The following CHODL variants were observed in gnomAD, a reference collection of about 807,000 sequenced individuals.
The protein encoded by CHODL is transmembrane protein MT75.
CHODL carries 29 observed loss-of-function variants against 34.5 expected under a neutral mutation model. The ratio of observed to expected loss-of-function variants is 0.84; its 90% confidence interval spans 0.63 to 1.15. The LOEUF (loss-of-function observed/expected upper bound fraction) is 1.15, where lower values mean the gene tolerates loss of function less well. CHODL is among the 50% of genes most tolerant of loss of function. The pLI, the probability that CHODL is intolerant of heterozygous loss-of-function variation, is 0.00. For missense variants in CHODL, 332 were observed against 332.5 expected, an observed-to-expected ratio of 1.00 and a Z score of 0.01; for synonymous variants, 125 against 116.1, an observed-to-expected ratio of 1.08 and a Z score of -0.49.
chr21:18,041,406 T>G (rs1286253881), intron 2 of CHODL, among the ~76,000 whole-genome samples: 2 of 151,936 alleles, frequency 1.3e-5, no homozygotes, highest in African/African-American at 4.8e-5. Context: ...TAAAAATGAC[T>G]TAAAGCAAAA....
chr21:18,188,984 G>A (rs1568929315), intron 2 of CHODL, among the ~76,000 whole-genome samples: 1 of 152,212 alleles, frequency 6.6e-6, no homozygotes, highest in Non-Finnish European at 1.5e-5. Context: ...TGTCCTTGCA[G>A]TACTATTTTT....
At chr21:18,245,332 G>T (rs1372309149) in intron 1 of CHODL, 30 bp downstream of exon 1, 1 of 1,492,676 alleles carries the variant, frequency 6.7e-7, no homozygotes, top group Non-Finnish European at 8.9e-7. Flanking sequence ...CCCGAAGAAC[G>T]AGCGGGGAGA....
intron 2 of CHODL, among the ~76,000 whole-genome samples, chr21:18,206,883 TTATTATTATTA>T (rs2146716559): frequency 6.6e-6 from 1 of 150,630 alleles, no homozygotes; most frequent in South Asian, 2.1e-4. Flanking sequence ...ATTATTATTA[TTATTATTATTA>T]TTTTATTATA....
chr21:17,931,282 T>C (rs2063271111), intron 1 of CHODL, among the ~76,000 whole-genome samples: 1 of 152,136 alleles, frequency 6.6e-6, no homozygotes, highest in South Asian at 2.1e-4. Context: ...CCTACTGGTC[T>C]GGAGGTTGAA....
intron 2 of CHODL, among the ~76,000 whole-genome samples, chr21:18,236,956 G>T (rs2074033907): frequency 2.0e-5 from 3 of 152,078 alleles, no homozygotes; most frequent in African/African-American, 7.2e-5. Flanking sequence ...TTATAGTATA[G>T]TATTTTTCCT....
intron 2 of CHODL, among the ~76,000 whole-genome samples, chr21:18,192,095 A>G (rs976640869): frequency 6.6e-6 from 1 of 152,144 alleles, no homozygotes; most frequent in African/African-American, 2.4e-5. Context: ...AGAACTACAT[A>G]ACATTGAATA....
chr21:18,228,011 A>C (rs1278987627), intron 2 of CHODL, among the ~76,000 whole-genome samples: 1 of 152,118 alleles, frequency 6.6e-6, no homozygotes, highest in Admixed American at 6.5e-5. Context: ...CTAATTTTTC[A>C]GTTTTTTATC....
intron 2 of CHODL, among the ~76,000 whole-genome samples, chr21:18,171,993 A>C (rs1229455507): frequency 6.6e-6 from 1 of 152,158 alleles, no homozygotes; most frequent in Non-Finnish European, 1.5e-5. Flanking sequence ...TTCTACCTGT[A>C]CAGATCCTCA....
At chr21:18,203,766 A>C (rs2073682232) in intron 2 of CHODL, among the ~76,000 whole-genome samples, 1 of 152,180 alleles carries the variant, frequency 6.6e-6, no homozygotes, top group Admixed American at 6.5e-5. Flanking sequence ...TAAGATATTC[A>C]GTCTGGCCAC....
intron 2 of CHODL, among the ~76,000 whole-genome samples, chr21:18,222,132 A>T (rs553263362): frequency 6.6e-6 from 1 of 152,146 alleles, no homozygotes; most frequent in Non-Finnish European, 1.5e-5. Context: ...TTTTGGTGGT[A>T]GTGGCCTCAG....
At chr21:18,153,070 A>G (rs2072991019) in intron 2 of CHODL, among the ~76,000 whole-genome samples, 3 of 152,210 alleles carry the variant, frequency 2.0e-5, no homozygotes, top group South Asian at 4.1e-4. Flanking sequence ...ATTAGTTTCT[A>G]TCGCTGCCAT....
At chr21:18,140,902 TG>T (rs1478448937) in intron 2 of CHODL, among the ~76,000 whole-genome samples, 10 of 152,094 alleles carry the variant, frequency 6.6e-5, no homozygotes, top group East Asian at 3.9e-4. Flanking sequence ...AGACGTGTAT[TG>T]TTTTTTTTTC....
chr21:17,984,259 A>G (rs2063736684), intron 1 of CHODL, among the ~76,000 whole-genome samples: 1 of 152,174 alleles, frequency 6.6e-6, no homozygotes, highest in African/African-American at 2.4e-5. Context: ...TGGGTAGACC[A>G]AATTTCCTTT....
chr21:18,108,869 GTGTTTC>G (rs1372028977), intron 2 of CHODL, among the ~76,000 whole-genome samples: 4 of 144,496 alleles, frequency 2.8e-5, no homozygotes, highest in Admixed American at 2.0e-4. Context: ...GTGTGTGTGT[GTGTTTC>G]TTCTAACTTT....
At chr21:18,251,079 G>C (rs2074230708) in intron 1 of CHODL, among the ~76,000 whole-genome samples, 1 of 151,388 alleles carries the variant, frequency 6.6e-6, no homozygotes, top group African/African-American at 2.4e-5. Context: ...CCAAATTATA[G>C]ATCCTTTCTG....
chr21:17,931,129 A>G (rs935794655), intron 1 of CHODL, among the ~76,000 whole-genome samples: 7 of 152,176 alleles, frequency 4.6e-5, no homozygotes, highest in African/African-American at 1.7e-4. Context: ...GAGCTCCCTC[A>G]GTCACTCCCG....
At chr21:18,226,245 G>A (rs2073929937) in intron 2 of CHODL, among the ~76,000 whole-genome samples, 1 of 152,152 alleles carries the variant, frequency 6.6e-6, no homozygotes, top group South Asian at 2.1e-4. Context: ...CCAAGGAATA[G>A]ATTTATGATT....
At chr21:18,071,505 T>C (rs2064804845) in intron 2 of CHODL, among the ~76,000 whole-genome samples, 1 of 152,114 alleles carries the variant, frequency 6.6e-6, no homozygotes, top group African/African-American at 2.4e-5. Context: ...TTCTACCCTC[T>C]ACATGATTCC....
In CHODL at chr21:18,065,999, A is replaced by C. The variant is rs572081786; in HGVS notation, c.-45+38028A>C. 2.6e-5 allele frequency among the ~76,000 whole-genome samples: 4 copies of C among 152,284 alleles called. No individual in the cohort carries two copies. In the South Asian group the frequency reaches 8.3e-4, roughly 32 times the overall value. ...GAAAGGCAAGTATTTGTTAAGTTTC[A>C]ATGACCTCCCAATATATAAATCTAT... On this transcript the variant is annotated intron_variant, in intron 2 of 6. Coordinates refer to the CHODL transcript ENST00000400127.
Sources: allele counts gnomAD v4.1 joint callset (sites outside exome capture counted in the v4.1 genomes callset), GRCh38; gene constraint gnomAD v4.1.1; transcripts MANE v1.5; gene names NCBI Gene and HGNC (gene_info 2026-07-23, HGNC 2026-07-21).